The following VWDE variants were observed in gnomAD, a reference collection of about 807,000 sequenced individuals.
VWDE encodes von Willebrand factor D and EGF domains.
Under a neutral mutation model 178.4 loss-of-function variants are expected in VWDE, and 207 were observed. That is an observed-to-expected ratio of 1.16 (90% CI 1.04 to 1.30). The LOEUF (loss-of-function observed/expected upper bound fraction) is 1.30. Ranked by LOEUF, VWDE falls within the 50% of genes most tolerant of loss-of-function variation. VWDE has a pLI of 0.00. For synonymous variants in VWDE, 738 were observed against 651.4 expected, an observed-to-expected ratio of 1.13 and a Z score of -2.02; for missense variants, 2,287 against 1,901.3, an observed-to-expected ratio of 1.20 and a Z score of -3.77.
chr7:12,385,803 TA>T (rs5882358), intron 3 of VWDE, among the ~76,000 whole-genome samples: 76,412 of 151,864 alleles, frequency 0.5, 20,261 homozygotes, highest in African/African-American at 0.67. Context: ...ACATTAAGAG[TA>T]AAAAAATAAC....
At chr7:12,379,820 T>C (rs1273252938) in intron 5 of VWDE, among the ~76,000 whole-genome samples, 1 of 152,018 alleles carries the variant, frequency 6.6e-6, no homozygotes, top group Non-Finnish European at 1.5e-5. Context: ...TAAGGCCGGG[T>C]GCGGTGGCTC....
intron 21 of VWDE, among the ~76,000 whole-genome samples, chr7:12,343,438 A>C (rs1367080272): frequency 6.6e-6 from 1 of 152,170 alleles, no homozygotes; most frequent in Non-Finnish European, 1.5e-5. Flanking sequence ...TCTTCTGAAA[A>C]GTGAGATTTG....
chr7:12,356,568 TA>T (rs375597103), intron 17 of VWDE, among the ~76,000 whole-genome samples: 6 of 150,878 alleles, frequency 4.0e-5, no homozygotes, highest in Non-Finnish European at 5.9e-5. Context: ...ATAACTTTTC[TA>T]AAAAAAAAGT....
chr7:12,349,345 G>A (rs964725061), intron 19 of VWDE, among the ~76,000 whole-genome samples: 3 of 150,112 alleles, frequency 2.0e-5, no homozygotes, highest in African/African-American at 7.3e-5. Flanking sequence ...AAAAGTATTG[G>A]ACCTCTTCTT....
At chr7:12,376,549 A>G (rs982234588) in intron 7 of VWDE, among the ~76,000 whole-genome samples, 1 of 152,138 alleles carries the variant, frequency 6.6e-6, no homozygotes, top group Non-Finnish European at 1.5e-5. Context: ...TTTAAAGTAT[A>G]CCTGTAACTG....
rs1396686683 is a variant in VWDE at position 12,370,663 on chromosome 7, C to A, written c.1789G>T (p.Glu597Ter). The change falls in exon 11 of 29, where the codon GAA (glutamate) becomes TAA (stop). Residue 597 changes from glutamate to a stop codon, truncating the protein, a stop_gained. Transcript: ENST00000275358. LOFTEE classifies it high-confidence loss of function. Reference sequence around the variant, plus strand: ...GGAAAAATAGTGTCTTACCTCCATTCATTAATAAAAGCAACATAATTGTTA... The same window carrying A: ...GGAAAAATAGTGTCTTACCTCCATTAATTAATAAAAGCAACATAATTGTTA... ...NFNNYVAFIN[E>*]WRILPGKSMS... is the part of the protein sequence containing the mutation. The A allele has an allele frequency of 6.4e-7, 1 of 1,550,602 alleles. No individual in the cohort carries two copies. Among genetic ancestry groups the A allele is most frequent in the Non-Finnish European group, 8.7e-7 (1 of 1,146,506 alleles).
rs960153709 is a variant in VWDE at position 12,361,179 on chromosome 7, C to G, written c.3127G>C (p.Gly1043Arg). 1 of 1,545,498 alleles carries G rather than the reference C, an allele frequency of 6.5e-7. No individual in the cohort carries two copies. Among genetic ancestry groups the G allele is most frequent in the Non-Finnish European group, 8.8e-7 (1 of 1,142,362 alleles). ...VIYDGACQVC[G>R]LYKNDSCTIK... is the part of the protein sequence containing the mutation. ...GTACATGAGTCATTTTTATAGAGAC[C>G]ACAAACTTGGCAAGCACCATCATAT... The change falls in exon 15 of 29, where the codon GGT (glycine) becomes CGT (arginine). Residue 1043 changes from glycine to arginine, a missense_variant. Physicochemically the swap from Gly to Arg is moderately radical, Grantham distance 125. Transcript: ENST00000275358.
intron 1 of VWDE, among the ~76,000 whole-genome samples, chr7:12,402,671 G>C (rs535905374): frequency 1.4e-5 from 2 of 147,540 alleles, no homozygotes; most frequent in Non-Finnish European, 3.0e-5. Flanking sequence ...ATTTAGTAAC[G>C]CTGTAAGCAA....
At chr7:12,399,763 C>T (rs1380594692) in intron 1 of VWDE, among the ~76,000 whole-genome samples, 1 of 152,056 alleles carries the variant, frequency 6.6e-6, no homozygotes, top group African/African-American at 2.4e-5. Context: ...GGGAGAATTG[C>T]TTAAGCCCAG....
At chr7:12,345,698 G>C (rs765265823) in intron 19 of VWDE, among the ~76,000 whole-genome samples, 5 of 152,128 alleles carry the variant, frequency 3.3e-5, no homozygotes, top group African/African-American at 9.7e-5. Flanking sequence ...TTGGGTTCCT[G>C]CTTAAAGAGC....
chr7:12,379,010 A>C (rs1382449205), intron 6 of VWDE, among the ~76,000 whole-genome samples: 1 of 152,000 alleles, frequency 6.6e-6, no homozygotes, highest in African/African-American at 2.4e-5. Context: ...ATAGCTCTTC[A>C]GTTCTTGGAT....
intron 19 of VWDE, among the ~76,000 whole-genome samples, chr7:12,351,066 G>A (rs540394672): frequency 1.5e-4 from 23 of 152,226 alleles, no homozygotes; most frequent in South Asian, 4.1e-4. Flanking sequence ...AAAATGTCTT[G>A]AGAGATATCC....
chr7:12,366,344 G>A (rs1309802591), intron 13 of VWDE, among the ~76,000 whole-genome samples: 1 of 152,084 alleles, frequency 6.6e-6, no homozygotes, highest in Non-Finnish European at 1.5e-5. Flanking sequence ...CAATGCATCT[G>A]AAGGTAAGTA....
chr7:12,363,039 G>A (rs1189156665), intron 13 of VWDE, among the ~76,000 whole-genome samples: 1 of 152,036 alleles, frequency 6.6e-6, no homozygotes, highest in African/African-American at 2.4e-5. Flanking sequence ...TCAATATTTT[G>A]TGAGTATATA....
At chr7:12,348,900 A>C (rs1329738672) in intron 19 of VWDE, among the ~76,000 whole-genome samples, 1 of 151,944 alleles carries the variant, frequency 6.6e-6, no homozygotes, top group Non-Finnish European at 1.5e-5. Flanking sequence ...GCAGCCATAA[A>C]AAATGATGAG....
At position 12,398,808 on chromosome 7, in the gene VWDE, T is replaced by TTGCCCTTATAA. The variant is rs1784745199; in HGVS notation, c.58+4850_58+4851insTTATAAGGGCA. On this transcript the variant is annotated intron_variant, in intron 1 of 28. Coordinates refer to ENST00000275358, the MANE Select transcript of VWDE (RefSeq NM_001135924.3). ...AATGCAGAAACAGAAAACCAAATAC[T>TTGCCCTTATAA]GCATGTTCTCGCTTATAAGGGCAAG... Among the ~76,000 whole-genome samples, 3 of 152,230 alleles carry TTGCCCTTATAA rather than the reference T, an allele frequency of 2.0e-5. No individual in the cohort carries two copies. In the South Asian group the frequency reaches 6.2e-4, roughly 32 times the overall value.
Position 12,370,229 on chromosome 7 carries a change from T to G in VWDE, c.2077A>C (p.Asn693His). 1 of 1,551,174 alleles carries G rather than the reference T, an allele frequency of 6.4e-7. No individual in the cohort carries two copies. The highest frequency in any genetic ancestry group is 8.7e-7 in the Non-Finnish European group (1 of 1,146,848). The change falls in exon 12 of 29, where the codon AAT becomes CAT. Residue 693 changes from asparagine to histidine, a missense_variant. By Grantham distance (68) the Asn-to-His change is moderately conservative. Coordinates refer to ENST00000275358, the MANE Select transcript of VWDE (RefSeq NM_001135924.3). ...TGTTTTTTTTCTTGCAGAAATAAAT[T>G]TAGATTATATTCTTCTGGAGATGTA... ...KHTSPEEYNLNLFLQEKKHIN... is the reference protein window; with the variant it reads ...KHTSPEEYNLHLFLQEKKHIN...
chr7:12,358,390 G>C (rs868047964), intron 16 of VWDE, among the ~76,000 whole-genome samples: 1 of 151,580 alleles, frequency 6.6e-6, no homozygotes, highest in Non-Finnish European at 1.5e-5. Flanking sequence ...TAAAAGGTGG[G>C]GGGGGCTATT....
intron 19 of VWDE, among the ~76,000 whole-genome samples, chr7:12,346,413 G>C (rs1271730727): frequency 6.6e-6 from 1 of 152,052 alleles, no homozygotes; most frequent in African/African-American, 2.4e-5. Flanking sequence ...CAGAAACACA[G>C]AAGAGTAAGT....
Sources: allele counts gnomAD v4.1 joint callset (sites outside exome capture counted in the v4.1 genomes callset), GRCh38; gene constraint gnomAD v4.1.1; transcripts MANE v1.5; gene names NCBI Gene and HGNC (gene_info 2026-07-23, HGNC 2026-07-21).